PCM1: variants seen among roughly 807,000 people sequenced by gnomAD.
PCM1 encodes pericentriolar material 1 protein.
A neutral mutation model predicts 241.9 loss-of-function variants in PCM1; 157 were observed. The ratio of observed to expected loss-of-function variants is 0.65; its 90% CI spans 0.57 to 0.74. The LOEUF is 0.74. PCM1 is among the 30% of genes least tolerant of loss of function. PCM1 has a pLI of 0.00. For missense variants in PCM1, 3,478 were observed against 2,360.1 expected, an observed-to-expected ratio of 1.47 and a Z score of -9.81; for synonymous variants, 1,085 against 784.9, an observed-to-expected ratio of 1.38 and a Z score of -6.39.
intron 36 of PCM1, among the ~76,000 whole-genome samples, chr8:18,022,484 C>T (rs1480481944): frequency 2.6e-5 from 4 of 152,214 alleles, no homozygotes; most frequent in African/African-American, 4.8e-5. Context: ...TCTACTCCCA[C>T]ACACACTTGG....
intron 13 of PCM1, among the ~76,000 whole-genome samples, chr8:17,959,052 C>A (rs138444626): frequency 6.6e-6 from 1 of 152,196 alleles, no homozygotes; most frequent in East Asian, 1.9e-4. Context: ...CATTAATAAT[C>A]CTATTCTTCT....
In PCM1 at chr8:18,009,552, A is replaced by C; in HGVS notation, c.4968A>C (p.Ser1656=). Residue 1656 remains serine (S), a synonymous_variant, in exon 31 of 39, where the codon TCA becomes TCC. Transcript: ENST00000325083. The part of the protein sequence containing the change: ...HKQLGSILQD[S]LAKFAGRKLK... Reference sequence around the variant, plus strand: ...TTTGGTTTATCTTTGAATAGGATTCACTGGCAAAATTTGCTGGCAGAAAAC... The same window carrying C: ...TTTGGTTTATCTTTGAATAGGATTCCCTGGCAAAATTTGCTGGCAGAAAAC... The C allele has an allele frequency of 6.3e-7, 1 of 1,592,444 alleles. No individual in the cohort carries two copies. The highest frequency in any genetic ancestry group is 8.6e-7 in the Non-Finnish European group (1 of 1,167,732).
At chr8:17,966,859 A>G in intron 20 of PCM1, 121 bp from the exon 21 acceptor site, 1 of 838,780 alleles carries the variant, frequency 1.2e-6, no homozygotes. Flanking sequence ...TATTTGTTAC[A>G]GTATCAGAGC....
In PCM1 at chr8:18,026,165, G is replaced by GAAAAAAAA. The variant is rs1588876179; in HGVS notation, c.6049+510_6049+511insAAAAAAAA. 1.1e-3 allele frequency among the ~76,000 whole-genome samples: 4 copies of GAAAAAAAA among 3,574 alleles called. 2 individuals carry two copies. The highest frequency in any genetic ancestry group is 2.3e-3 in the African/African-American group (4 of 1,734). 2.3% of individuals were successfully genotyped at this position (3,574 alleles called of 152,430 possible). A position where few individuals can be genotyped will look rare whatever the true frequency, so the allele number is the denominator to read the frequency against. ...GGTGAAAGAGCGAGACTCCCTCTCT[G>GAAAAAAAA]AAACAAAAAAAAAAAAAAAAAAAAA... On this transcript the variant is annotated intron_variant, in intron 38 of 38. Transcript: ENST00000325083.
intron 36 of PCM1, among the ~76,000 whole-genome samples, chr8:18,019,298 A>C (rs576828346): frequency 1.3e-5 from 2 of 152,148 alleles, no homozygotes; most frequent in Admixed American, 1.3e-4. Context: ...TAAGGCCTCA[A>C]TGGCAAAACT....
intron 24 of PCM1, among the ~76,000 whole-genome samples, chr8:17,981,230 G>T (rs2080667691): frequency 6.6e-6 from 1 of 152,124 alleles, no homozygotes; most frequent in African/African-American, 2.4e-5. Flanking sequence ...TGGAGTTTTT[G>T]TATAGCTATC....
rs137890587 is a variant in PCM1, at chr8:17,951,904, C to G, written c.1072-1066C>G. 1.3e-3 allele frequency among the ~76,000 whole-genome samples: 198 copies of G among 152,074 alleles called. 1 individual carries two copies. Among genetic ancestry groups the G allele is most frequent in the African/African-American group, 4.6e-3 (189 of 41,494 alleles). On this transcript the variant is annotated intron_variant, in intron 8 of 38. Coordinates refer to ENST00000325083, the MANE Select transcript of PCM1 (RefSeq NM_006197.4). ...ATGATTTCCTAAGCCCTAGTGGATT[C>G]TTGCAAAGTTTCATAATTAAAAAAA...
intron 23 of PCM1, among the ~76,000 whole-genome samples, chr8:17,974,919 A>C (rs2078200092): frequency 6.6e-6 from 1 of 151,976 alleles, no homozygotes; most frequent in Non-Finnish European, 1.5e-5. Flanking sequence ...AGCAGAATCA[A>C]ACTATACATA....
At position 17,963,173 on chromosome 8, in the gene PCM1, C is replaced by G. The variant is rs1441449464; in HGVS notation, c.2536C>G (p.Leu846Val). The G allele has an allele frequency of 3.1e-6, 5 of 1,613,604 alleles. No homozygotes were observed. The highest frequency in any genetic ancestry group is 3.3e-5 in the Admixed American group (2 of 59,994). The change falls in exon 17 of 39, where the codon CTG becomes GTG. Residue 846 changes from leucine to valine, a missense_variant. Physicochemically the swap from Leu to Val is conservative, Grantham distance 32. Coordinates refer to ENST00000325083, the MANE Select transcript of PCM1 (RefSeq NM_006197.4). ...LRQRRKQLEA[L>V]MAEHQRRQGL... ...ACAGAGAAGAAAGCAGCTTGAAGCT[C>G]TGATGGCTGAACATCAGAGGAGGCA...
At chr8:18,005,207 A>C (rs189312192) in intron 29 of PCM1, among the ~76,000 whole-genome samples, 7 of 152,230 alleles carry the variant, frequency 4.6e-5, no homozygotes, top group Non-Finnish European at 1.0e-4. Flanking sequence ...CCTGTGAGCC[A>C]CTGTATTTTG....
intron 2 of PCM1, chr8:17,927,818 G>A (rs934889998): frequency 2.7e-5 from 4 of 150,222 alleles, no homozygotes; most frequent in African/African-American, 9.8e-5. Context: ...CTAAGTCCTG[G>A]GATTACAAGC....
intron 7 of PCM1, among the ~76,000 whole-genome samples, chr8:17,950,295 C>G (rs1448384269): frequency 6.6e-6 from 1 of 152,190 alleles, no homozygotes; most frequent in African/African-American, 2.4e-5. Context: ...CTATCACTTT[C>G]CCTTTCACTC....
Position 18,014,046 on chromosome 8 carries a change from C to CTAAATAAGTCT in PCM1, c.5584+12_5584+22dup. Reference sequence around the variant, plus strand: ...GAAGCCACTAGTAAAAGTAAGAAATCTAAATAAGTCTTTGATTTTAAGATA... The same window carrying CTAAATAAGTCT: ...GAAGCCACTAGTAAAAGTAAGAAATCTAAATAAGTCTTAAATAAGTCTTTGATTTTAAGATA... On this transcript the variant is annotated intron_variant, in intron 35 of 38. Coordinates refer to ENST00000325083, the MANE Select transcript of PCM1 (RefSeq NM_006197.4). The CTAAATAAGTCT allele has an allele frequency of 7.0e-7, 1 of 1,436,052 alleles. No homozygotes were observed. Among genetic ancestry groups the CTAAATAAGTCT allele is most frequent in the Non-Finnish European group, 9.6e-7 (1 of 1,042,096 alleles). The allele number at this position is 1,436,052 out of a possible 1,614,324, so 89.0% of individuals were successfully genotyped here.
intron 9 of PCM1, among the ~76,000 whole-genome samples, chr8:17,954,857 A>G (rs1208487293): frequency 6.6e-6 from 1 of 152,210 alleles, no homozygotes; most frequent in Non-Finnish European, 1.5e-5. Flanking sequence ...GCCATTATCT[A>G]AATAGCAGGT....
intron 23 of PCM1, among the ~76,000 whole-genome samples, chr8:17,974,175 A>G (rs2077837949): frequency 6.6e-6 from 1 of 152,164 alleles, no homozygotes; most frequent in Non-Finnish European, 1.5e-5. Flanking sequence ...TATTTAGTAA[A>G]TTAATTGGTA....
At chr8:17,971,550 A>G (rs2076860036) in intron 22 of PCM1, among the ~76,000 whole-genome samples, 1 of 152,220 alleles carries the variant, frequency 6.6e-6, no homozygotes, top group Non-Finnish European at 1.5e-5. Flanking sequence ...GACTAATAGA[A>G]CTACGGACTT....
chr8:18,013,819 G>A (rs1208834011), intron 34 of PCM1, 145 bp from the exon 35 acceptor site: 13 of 585,260 alleles, frequency 2.2e-5, no homozygotes, highest in Admixed American at 1.5e-4. Context: ...AACCAAAGCC[G>A]CCTCCTTGAA....
At chr8:17,941,962 A>C (rs1048267901) in intron 6 of PCM1, among the ~76,000 whole-genome samples, 7 of 152,038 alleles carry the variant, frequency 4.6e-5, no homozygotes, top group Non-Finnish European at 1.0e-4. Flanking sequence ...TATAGTTGTC[A>C]TACTGTAATT....
intron 21 of PCM1, chr8:17,969,358 A>C: frequency 2.3e-6 from 1 of 433,766 alleles, no homozygotes; most frequent in Non-Finnish European, 4.0e-6. Context: ...TTTAGCTCTT[A>C]AGGGAGTGGG....
Sources: allele counts gnomAD v4.1 joint callset (sites outside exome capture counted in the v4.1 genomes callset), GRCh38; gene constraint gnomAD v4.1.1; transcripts MANE v1.5; gene names NCBI Gene and HGNC (gene_info 2026-07-23, HGNC 2026-07-21).